PRKCA: variants seen among roughly 807,000 people sequenced by gnomAD.
PRKCA encodes protein kinase C alpha, also known as protein kinase C alpha type.
PRKCA carries 27 observed loss-of-function variants against 87.0 expected under a neutral mutation model. The observed-to-expected ratio is 0.31, with a 90% CI of 0.23 to 0.43. The LOEUF (loss-of-function observed/expected upper bound fraction) is 0.43, where lower values mean the gene tolerates loss of function less well. PRKCA is among the 20% of genes least tolerant of loss of function. PRKCA has a pLI of 1.00. For synonymous variants in PRKCA, 329 were observed against 311.1 expected (o/e 1.06, Z -0.61); for missense variants, 518 against 852.3 (o/e 0.61, Z 4.88).
At chr17:66,710,189 G>A (rs972885184) in intron 8 of PRKCA, among the ~76,000 whole-genome samples, 3 of 151,830 alleles carry the variant, frequency 2.0e-5, no homozygotes, top group African/African-American at 7.3e-5. Context: ...CCCTCCAAGG[G>A]TCAAATGAGA....
At chr17:66,620,682 C>T (rs1426766913) in intron 3 of PRKCA, among the ~76,000 whole-genome samples, 3 of 152,272 alleles carry the variant, frequency 2.0e-5, no homozygotes, top group African/African-American at 4.8e-5. Context: ...GTGATTCTAT[C>T]TAAGAAGTCA....
intron 8 of PRKCA, among the ~76,000 whole-genome samples, chr17:66,712,366 C>T (rs1252990942): frequency 6.6e-6 from 1 of 152,160 alleles, no homozygotes; most frequent in Non-Finnish European, 1.5e-5. Flanking sequence ...TGCCTGAGTG[C>T]TGTTTGTGTC....
At chr17:66,542,927 T>C (rs1157700989) in intron 3 of PRKCA, among the ~76,000 whole-genome samples, 3 of 152,218 alleles carry the variant, frequency 2.0e-5, no homozygotes, top group Admixed American at 6.5e-5. Flanking sequence ...TTCAAGTAGA[T>C]TACTTAGAAA....
At chr17:66,359,024 T>C (rs746871025) in intron 2 of PRKCA, among the ~76,000 whole-genome samples, 5 of 149,970 alleles carry the variant, frequency 3.3e-5, no homozygotes, top group Admixed American at 6.6e-5. Context: ...GACGTAGTCC[T>C]TGTTCTCACA....
intron 2 of PRKCA, among the ~76,000 whole-genome samples, chr17:66,424,568 A>ACACACACACAC (rs1598660738): frequency 2.1e-5 from 3 of 142,058 alleles, no homozygotes; most frequent in African/African-American, 5.3e-5. Flanking sequence ...CCCTGTCTCA[A>ACACACACACAC]ACACACACAC....
At chr17:66,615,331 G>A (rs1035350748) in intron 3 of PRKCA, among the ~76,000 whole-genome samples, 2 of 152,134 alleles carry the variant, frequency 1.3e-5, no homozygotes, top group South Asian at 2.1e-4. Context: ...AGGAGGGAGG[G>A]GAGTGGATGT....
intron 16 of PRKCA, among the ~76,000 whole-genome samples, chr17:66,802,394 T>A (rs781779310): frequency 4.0e-5 from 6 of 151,782 alleles, no homozygotes; most frequent in Non-Finnish European, 7.4e-5. Flanking sequence ...GCGTGGTGGC[T>A]CATGCCTGTA....
At chr17:66,429,972 A>G (rs1180465296) in intron 2 of PRKCA, among the ~76,000 whole-genome samples, 3 of 152,090 alleles carry the variant, frequency 2.0e-5, no homozygotes. Flanking sequence ...GGTCTGTGTG[A>G]TAGAATACTG....
At chr17:66,776,877 T>A (rs921326654) in intron 14 of PRKCA, among the ~76,000 whole-genome samples, 1 of 152,258 alleles carries the variant, frequency 6.6e-6, no homozygotes. Flanking sequence ...TTTACTGGAG[T>A]TACGTGTGTG....
chr17:66,707,162 A>G (rs1973213353), intron 8 of PRKCA, among the ~76,000 whole-genome samples: 1 of 152,112 alleles, frequency 6.6e-6, no homozygotes, highest in Non-Finnish European at 1.5e-5. Context: ...CTCCTTGGAA[A>G]GACCCTCCCT....
At chr17:66,343,153 G>T (rs562714945) in intron 2 of PRKCA, among the ~76,000 whole-genome samples, 9 of 151,956 alleles carry the variant, frequency 5.9e-5, no homozygotes, top group African/African-American at 2.2e-4. Context: ...GGAGCATCTT[G>T]TTTGGTTTAC....
intron 2 of PRKCA, among the ~76,000 whole-genome samples, chr17:66,440,088 G>T (rs1236814293): frequency 6.6e-6 from 1 of 152,146 alleles, no homozygotes; most frequent in African/African-American, 2.4e-5. Context: ...CTTACTGTAG[G>T]CTTTGATTTA....
intron 8 of PRKCA, among the ~76,000 whole-genome samples, chr17:66,691,665 C>T (rs1037886889): frequency 6.6e-6 from 1 of 152,194 alleles, no homozygotes; most frequent in African/African-American, 2.4e-5. Context: ...CAGCATTCTT[C>T]AGCTGTCTCA....
At chr17:66,558,165 C>T (rs898791006) in intron 3 of PRKCA, among the ~76,000 whole-genome samples, 3 of 152,204 alleles carry the variant, frequency 2.0e-5, no homozygotes, top group African/African-American at 4.8e-5. Flanking sequence ...TCCTGATGGT[C>T]GGTTTGATTG....
intron 13 of PRKCA, among the ~76,000 whole-genome samples, chr17:66,763,410 C>T (rs1974729163): frequency 6.6e-6 from 1 of 152,168 alleles, no homozygotes; most frequent in Admixed American, 6.5e-5. Flanking sequence ...AAGATCCCAG[C>T]TGTCAGATCA....
intron 3 of PRKCA, among the ~76,000 whole-genome samples, chr17:66,638,085 A>C (rs1210891549): frequency 6.6e-6 from 1 of 151,988 alleles, no homozygotes; most frequent in Non-Finnish European, 1.5e-5. Context: ...TATTTACAAA[A>C]ATAGGTGGTG....
intron 2 of PRKCA, among the ~76,000 whole-genome samples, chr17:66,408,776 G>A (rs1207893748): frequency 2.6e-5 from 4 of 152,134 alleles, no homozygotes; most frequent in South Asian, 2.1e-4. Flanking sequence ...GTTGTCGGCC[G>A]GGCGCGGTGG....
At chr17:66,517,491 A>G (rs1253456211) in intron 3 of PRKCA, among the ~76,000 whole-genome samples, 4 of 152,136 alleles carry the variant, frequency 2.6e-5, no homozygotes, top group South Asian at 2.1e-4. Context: ...GGCAAAACCT[A>G]TCTTTCATCT....
intron 2 of PRKCA, among the ~76,000 whole-genome samples, chr17:66,376,637 T>C (rs1032714250): frequency 6.6e-6 from 1 of 151,598 alleles, no homozygotes; most frequent in Non-Finnish European, 1.5e-5. Flanking sequence ...AAAAATTGAA[T>C]AGGTCGTCTG....
Sources: gnomAD v4.1 joint callset for allele counts (sites outside exome capture counted in the v4.1 genomes callset) on GRCh38, gnomAD v4.1.1 for gene constraint, MANE v1.5 for transcripts, NCBI Gene and HGNC (gene_info 2026-07-23, HGNC 2026-07-21) for gene names.